USP46: variants seen among roughly 807,000 people sequenced by gnomAD.
USP46 encodes ubiquitin carboxyl-terminal hydrolase 46.
A neutral mutation model predicts 44.4 loss-of-function variants in USP46; 12 were observed. That is an observed-to-expected ratio of 0.27 (90% CI 0.17 to 0.44). The LOEUF is 0.44. Among genes scored for constraint, USP46 ranks in the 20% least tolerant of loss-of-function variants. USP46 has a pLI of 1.00. For missense variants in USP46, 248 were observed against 444.8 expected, an observed-to-expected ratio of 0.56 and a Z score of 3.98; for synonymous variants, 155 against 161.5, an observed-to-expected ratio of 0.96 and a Z score of 0.31.
At chr4:52,598,506 T>C in intron 8 of USP46, 122 bp downstream of exon 8, 1 of 1,104,730 alleles carries the variant, frequency 9.1e-7, no homozygotes, top group Non-Finnish European at 1.3e-6. Context: ...GAATACAAAT[T>C]TAAGTTGTTT....
At chr4:52,613,733 A>AG (rs1717021935) in intron 4 of USP46, among the ~76,000 whole-genome samples, 1 of 151,750 alleles carries the variant, frequency 6.6e-6, no homozygotes, top group Non-Finnish European at 1.5e-5. Flanking sequence ...AAAAAAAAAA[A>AG]AAAAGAAAAG....
Position 52,659,230 on chromosome 4 carries a change from G to T in USP46, c.-80C>A. ...ACTGCCCATGGTGGCGCGCTGGCGG[G>T]GAGGCCGGGCGGCAGCGCGGCGGCC... On this transcript the variant is annotated 5_prime_UTR_variant, in exon 1 of 9. Transcript: ENST00000441222. The surrounding 1 kb of genome is among the most constrained non-coding windows in gnomAD (Gnocchi z 4.2). 1 of 1,449,140 alleles carries T rather than the reference G, an allele frequency of 6.9e-7. No homozygotes were observed. Among genetic ancestry groups the T allele is most frequent in the Non-Finnish European group, 9.2e-7 (1 of 1,092,546 alleles). 89.8% of individuals were successfully genotyped at this position (1,449,140 alleles called of 1,614,324 possible).
intron 4 of USP46, among the ~76,000 whole-genome samples, chr4:52,618,371 TTCC>T (rs1717245972): frequency 1.3e-5 from 2 of 152,040 alleles, no homozygotes; most frequent in Non-Finnish European, 2.9e-5. Flanking sequence ...GAGCCTATAA[TTCC>T]AGCTATTCGG....
chr4:52,607,087 G>A (rs1716713709), intron 5 of USP46, among the ~76,000 whole-genome samples: 1 of 152,080 alleles, frequency 6.6e-6, no homozygotes, highest in South Asian at 2.1e-4. Context: ...GCCAAAGAAA[G>A]GCCAGCAACA....
intron 7 of USP46, among the ~76,000 whole-genome samples, chr4:52,600,258 T>C (rs62338764): frequency 6.6e-6 from 1 of 152,002 alleles, no homozygotes; most frequent in African/African-American, 2.4e-5. Context: ...AAAAAAAACT[T>C]GCAGCAGAAA....
intron 1 of USP46, among the ~76,000 whole-genome samples, chr4:52,645,263 C>A (rs1481829389): frequency 6.6e-6 from 1 of 150,512 alleles, no homozygotes; most frequent in African/African-American, 2.4e-5. Context: ...AACATGACTT[C>A]ATTTAATAAT....
chr4:52,630,570 C>T lies in USP46; in HGVS notation c.117+494G>A, dbSNP rs571767438. ...TGGAGCTCTGGCCAACATGGCAAAACCCTGTCTCTACTAAAAAATTAGCTG... is the reference window on the plus strand; with the variant it reads ...TGGAGCTCTGGCCAACATGGCAAAATCCTGTCTCTACTAAAAAATTAGCTG... On this transcript the variant is annotated intron_variant, in intron 2 of 8. Coordinates refer to ENST00000441222, the MANE Select transcript of USP46 (RefSeq NM_022832.4). 5.3e-5 allele frequency among the ~76,000 whole-genome samples: 8 copies of T among 152,074 alleles called. No homozygotes were observed. The South Asian group carries it at 8.3e-4, about 16-fold the overall frequency.
chr4:52,620,525 C>T (rs1435635301), intron 4 of USP46, among the ~76,000 whole-genome samples: 1 of 152,156 alleles, frequency 6.6e-6, no homozygotes, highest in Non-Finnish European at 1.5e-5. Context: ...CTCAGTGCTT[C>T]AGGCTTTTAC....
intron 4 of USP46, among the ~76,000 whole-genome samples, chr4:52,616,132 A>G (rs1717136477): frequency 6.6e-6 from 1 of 152,204 alleles, no homozygotes; most frequent in Non-Finnish European, 1.5e-5. Flanking sequence ...TCAACAGGGG[A>G]AATTTGGCTT....
At chr4:52,652,811 A>T (rs1003625839) in intron 1 of USP46, among the ~76,000 whole-genome samples, 4 of 152,174 alleles carry the variant, frequency 2.6e-5, no homozygotes, top group African/African-American at 9.7e-5. Flanking sequence ...GTGGTTTTAA[A>T]TGTATATATA....
At chr4:52,654,235 T>C (rs555456647) in intron 1 of USP46, among the ~76,000 whole-genome samples, 2 of 152,232 alleles carry the variant, frequency 1.3e-5, no homozygotes, top group South Asian at 4.2e-4. Flanking sequence ...ACTATCAGAG[T>C]AGACCCTCAT....
chr4:52,635,077 CTTCT>C, intron 1 of USP46, among the ~76,000 whole-genome samples: 1 of 147,552 alleles, frequency 6.8e-6, no homozygotes, highest in Non-Finnish European at 1.5e-5. Flanking sequence ...GCTTCTACTT[CTTCT>C]TTTTTTTTTT....
intron 1 of USP46, 147 bp downstream of exon 1, chr4:52,658,968 G>T (rs1719065406): frequency 1.0e-6 from 1 of 954,788 alleles, no homozygotes; most frequent in Non-Finnish European, 1.4e-6. Flanking sequence ...CTGCGGCCGC[G>T]CGCCCAGCTC....
chr4:52,602,568 G>A (rs1485281030), intron 6 of USP46, among the ~76,000 whole-genome samples: 5 of 152,216 alleles, frequency 3.3e-5, no homozygotes, highest in South Asian at 4.1e-4. Flanking sequence ...CTCTCATTCC[G>A]ACCCTTGTGA....
chr4:52,603,738 G>A (rs1716568703), intron 6 of USP46, among the ~76,000 whole-genome samples: 1 of 152,218 alleles, frequency 6.6e-6, no homozygotes, highest in East Asian at 1.9e-4. Flanking sequence ...AGGCTGGAGT[G>A]CAGTAGTACG....
At chr4:52,618,252 G>C (rs1577671761) in intron 4 of USP46, among the ~76,000 whole-genome samples, 1 of 152,018 alleles carries the variant, frequency 6.6e-6, no homozygotes, top group African/African-American at 2.4e-5. Flanking sequence ...ACTTTGGAAG[G>C]CTCAGGTGGG....
In USP46 at chr4:52,628,034, G is replaced by C; in HGVS notation, c.247C>G (p.Leu83Val). ...TTCTGTGTGGCAATGCTGTGGAAAA[G>C]GTCCGCCAGGCACGTCAGCAAGTTT... ...KENLLTCLADLFHSIATQKKK... is the reference protein window; with the variant it reads ...KENLLTCLADVFHSIATQKKK... The change falls in exon 3 of 9, where the codon CTT (leucine) becomes GTT (valine). Residue 83 changes from leucine to valine, a missense_variant. By Grantham distance (32) the Leu-to-Val change is conservative. This residue lies in a region of USP46 where 54 missense variants were observed against 135.0 expected (regional missense o/e 0.40). Coordinates refer to ENST00000441222, the MANE Select transcript of USP46 (RefSeq NM_022832.4). The C allele has an allele frequency of 6.2e-7, 1 of 1,613,906 alleles. No individual in the cohort carries two copies. Among genetic ancestry groups the C allele is most frequent in the Non-Finnish European group, 8.5e-7 (1 of 1,179,860 alleles).
chr4:52,608,063 G>A (rs567983542), intron 5 of USP46, among the ~76,000 whole-genome samples: 48 of 152,228 alleles, frequency 3.2e-4, no homozygotes, highest in South Asian at 6.2e-4. Context: ...TTTTACCCTC[G>A]TTCTCAGGAA....
At chr4:52,611,147 C>A (rs770514891) in intron 4 of USP46, among the ~76,000 whole-genome samples, 1 of 152,218 alleles carries the variant, frequency 6.6e-6, no homozygotes, top group East Asian at 1.9e-4. Flanking sequence ...TGACCACACA[C>A]AAAGCTGTCC....
Sources: gnomAD v4.1 joint callset for allele counts (sites outside exome capture counted in the v4.1 genomes callset) on GRCh38, gnomAD v4.1.1 for gene constraint, gnomAD v4.1.1 regional missense constraint, Gnocchi (gnomAD v3.1) non-coding constraint, MANE v1.5 for transcripts, NCBI Gene and HGNC (gene_info 2026-07-23, HGNC 2026-07-21) for gene names.